The following PCGF2 variants were observed in gnomAD, a reference collection of about 807,000 sequenced individuals.
The protein encoded by PCGF2 is polycomb group ring finger 2, also known as polycomb group RING finger protein 2.
PCGF2 carries 8 observed loss-of-function variants against 36.1 expected under a neutral mutation model. That is an observed-to-expected ratio of 0.22 (90% CI 0.13 to 0.40). The LOEUF is 0.40. Among genes scored for constraint, PCGF2 ranks in the 10% least tolerant of loss-of-function variants. PCGF2 has a pLI of 1.00. For synonymous variants in PCGF2, 198 were observed against 191.2 expected (o/e 1.04, Z -0.29); for missense variants, 436 against 475.9 (o/e 0.92, Z 0.78).
Position 38,735,585 on chromosome 17 carries a change from G to C in PCGF2, c.673C>G (p.Leu225Val). 2 of 1,576,314 alleles carry C rather than the reference G, an allele frequency of 1.3e-6. No homozygotes were observed. Among genetic ancestry groups the C allele is most frequent in the Non-Finnish European group, 8.6e-7 (1 of 1,158,708 alleles). The change falls in exon 11 of 11, where the codon CTC becomes GTC. Residue 225 changes from leucine (L) to valine (V), a missense_variant. By Grantham distance (32) the Leu-to-Val change is conservative. Coordinates refer to ENST00000620225, the MANE Select transcript of PCGF2 (RefSeq NM_007144.3). The part of the protein sequence containing the change: ...YPWRRNGPLP[L>V]KYRVQPACKR... ...CAGGCTGGCTGGACACGGTACTTGA[G>C]GGGGAGAGGCCCGTTCTGCGGGGAG...
intron 2 of PCGF2, among the ~76,000 whole-genome samples, chr17:38,747,573 G>A (rs1179882930): frequency 6.6e-6 from 1 of 151,832 alleles, no homozygotes; most frequent in Non-Finnish European, 1.5e-5. Flanking sequence ...AGGGGGCGGG[G>A]CGCCGGCGCC....
intron 2 of PCGF2, among the ~76,000 whole-genome samples, chr17:38,742,280 C>T (rs564921121): frequency 3.5e-4 from 53 of 152,336 alleles, no homozygotes. Context: ...TTACAACATA[C>T]TCACACCCTT....
chr17:38,747,629 C>T (rs1001810963), intron 2 of PCGF2, among the ~76,000 whole-genome samples: 3 of 152,034 alleles, frequency 2.0e-5, no homozygotes, highest in African/African-American at 7.2e-5. Context: ...CGAGAGGACC[C>T]GGACCCCGGC....
Position 38,738,455 on chromosome 17 carries a change from G to A in PCGF2, c.481-7C>T. 1 of 1,614,094 alleles carries A rather than the reference G, an allele frequency of 6.2e-7. No individual in the cohort carries two copies. Among genetic ancestry groups the A allele is most frequent in the Non-Finnish European group, 8.5e-7 (1 of 1,179,954 alleles). On this transcript the variant is annotated splice_region_variant and splice_polypyrimidine_tract_variant and intron_variant, in intron 8 of 10. Transcript: ENST00000620225. ...GCAGGAAGCGCACCCCTGTCTGCTGGGGCACAGGCACCCATGGTAGGGGAT... is the reference window on the plus strand; with the variant it reads ...GCAGGAAGCGCACCCCTGTCTGCTGAGGCACAGGCACCCATGGTAGGGGAT...
intron 9 of PCGF2, 126 bp from the exon 10 acceptor site, chr17:38,736,296 G>A: frequency 1.5e-6 from 1 of 680,688 alleles, no homozygotes; most frequent in Non-Finnish European, 2.7e-6. Context: ...ATTTCTCTGG[G>A]ATTTCACTGT....
chr17:38,742,791 T>A lies in PCGF2; in HGVS notation c.-40-2349A>T, dbSNP rs545131943. 3.9e-4 allele frequency among the ~76,000 whole-genome samples: 60 copies of A among 152,290 alleles called. 1 individual carries two copies. The East Asian group carries it at 9.8e-3, about 25-fold the overall frequency. ...TCTCTCTGAGCGTGTGTAATATCCA[T>A]CCTGTGTACGTGCCATCTGGGCCTC... On this transcript the variant is annotated intron_variant, in intron 2 of 10. Transcript: ENST00000620225.
Position 38,737,641 on chromosome 17 carries a change from C to T in PCGF2, c.576+712G>A, listed in dbSNP as rs970270475. 4.6e-5 allele frequency among the ~76,000 whole-genome samples: 7 copies of T among 151,468 alleles called. No homozygotes were observed. In the East Asian group the frequency reaches 7.9e-4, roughly 17 times the overall value. On this transcript the variant is annotated intron_variant, in intron 9 of 10. Coordinates refer to ENST00000620225, the MANE Select transcript of PCGF2 (RefSeq NM_007144.3). ...AGAAATATGGAATCTGGCCGGGTGC[C>T]GTGGCTCATGCCTGTAATCCCAGCA...
Position 38,740,435 on chromosome 17 carries a change from G to A in PCGF2, c.-33C>T. 1.3e-6 allele frequency: 2 copies of A among 1,526,754 alleles called. No individual in the cohort carries two copies. Among genetic ancestry groups the A allele is most frequent in the Non-Finnish European group, 1.8e-6 (2 of 1,118,696 alleles). The allele number at this position is 1,526,754 out of a possible 1,614,324, so 94.6% of individuals were successfully genotyped here. A position where few individuals can be genotyped will look rare whatever the true frequency, so the allele number is the denominator to read the frequency against. ...GGGTCGGGGGTGGGGGGACTGGGGA[G>A]CGTTGCCCTGGGAAACGGAAGTGGA... On this transcript the variant is annotated 5_prime_UTR_variant, in exon 3 of 11. Transcript: ENST00000620225.
chr17:38,738,691 G>A, intron 7 of PCGF2, 62 bp downstream of exon 7: 1 of 1,568,410 alleles, frequency 6.4e-7, no homozygotes, highest in Non-Finnish European at 8.8e-7. Context: ...AGAGGGTCCT[G>A]GGTGGGAGAA....
intron 2 of PCGF2, among the ~76,000 whole-genome samples, chr17:38,741,422 T>C (rs1351880950): frequency 6.6e-6 from 1 of 152,130 alleles, no homozygotes; most frequent in Non-Finnish European, 1.5e-5. Flanking sequence ...AAATAAGTTA[T>C]CCTTACTCCC....
intron 2 of PCGF2, among the ~76,000 whole-genome samples, chr17:38,744,898 C>A (rs1404727590): frequency 6.6e-6 from 1 of 152,196 alleles, no homozygotes; most frequent in African/African-American, 2.4e-5. Context: ...TCTAGAACTG[C>A]AGAGGTGAAA....
At position 38,738,372 on chromosome 17, in the gene PCGF2, T is replaced by A; in HGVS notation, c.557A>T (p.Asp186Val). The A allele has an allele frequency of 6.2e-7, 1 of 1,614,098 alleles. No homozygotes were observed. Among genetic ancestry groups the A allele is most frequent in the South Asian group, 1.1e-5 (1 of 91,076 alleles). Residue 186 changes from aspartate to valine, a missense_variant, in exon 9 of 11, where the codon GAT becomes GTT. This residue lies in a region of PCGF2 where 20 missense variants were observed against 43.7 expected (regional missense o/e 0.46). Coordinates refer to ENST00000620225, the MANE Select transcript of PCGF2 (RefSeq NM_007144.3). ...ACCCACCTTGTACTTGCTGGGCACA[T>A]CCATCTTGTTGCGGAGAAACTTGGC... ...HLAKFLRNKM[D>V]VPSKYKVEVL...
At chr17:38,748,574 C>G (rs1054504425), upstream of PCGF2, among the ~76,000 whole-genome samples, 4 of 152,136 alleles carry the variant, frequency 2.6e-5, no homozygotes, top group Admixed American at 1.3e-4. Flanking sequence ...GAGACCCCTC[C>G]CTTCCCATGC....
rs1178790240 is a variant in PCGF2, at chr17:38,739,500, T to TAAGG, written c.209+85_209+86insCCTT. 1 of 1,137,246 alleles carries TAAGG rather than the reference T, an allele frequency of 8.8e-7. No homozygotes were observed. Among genetic ancestry groups the TAAGG allele is most frequent in the Non-Finnish European group, 1.3e-6 (1 of 746,908 alleles). 70.4% of individuals were successfully genotyped at this position (1,137,246 alleles called of 1,614,324 possible). A position where few individuals can be genotyped will look rare whatever the true frequency, so the allele number is the denominator to read the frequency against. ...CATGCTTCTCCTACACCTGCCGCCT[T>TAAGG]GGCTGAAGGAAGCACGGAGCGTGGG... On this transcript the variant is annotated intron_variant, in intron 4 of 10. Coordinates refer to ENST00000620225, the MANE Select transcript of PCGF2 (RefSeq NM_007144.3). This position sits in a 1 kb window ranked among gnomAD's most constrained non-coding sequence, Gnocchi z 4.0.
upstream of PCGF2, chr17:38,748,386 G>A (rs1330888222): frequency 7.8e-6 from 1 of 127,674 alleles, no homozygotes. Context: ...GGGGGGAGGG[G>A]AGGGACCGGA....
At chr17:38,743,514 T>C (rs1907340498) in intron 2 of PCGF2, among the ~76,000 whole-genome samples, 1 of 152,164 alleles carries the variant, frequency 6.6e-6, no homozygotes, top group South Asian at 2.1e-4. Context: ...CTCTGGACCC[T>C]TTCTAGACAC....
chr17:38,744,003 GA>G (rs2143138338), intron 2 of PCGF2, among the ~76,000 whole-genome samples: 1 of 152,302 alleles, frequency 6.6e-6, no homozygotes, highest in Non-Finnish European at 1.5e-5. Flanking sequence ...AGCACCATTG[GA>G]AGTGGCCTCT....
At chr17:38,744,941 G>T (rs184309005) in intron 2 of PCGF2, among the ~76,000 whole-genome samples, 1 of 152,306 alleles carries the variant, frequency 6.6e-6, no homozygotes, top group African/African-American at 2.4e-5. Context: ...TCAGCTGGGC[G>T]TGGTGGCTCA....
upstream of PCGF2, among the ~76,000 whole-genome samples, chr17:38,748,926 C>A (rs1233959845): frequency 1.3e-5 from 2 of 152,148 alleles, no homozygotes; most frequent in African/African-American, 4.8e-5. Flanking sequence ...GCGGCAGGGG[C>A]GCTGGCCCCG....
Sources: gnomAD v4.1 joint callset for allele counts (sites outside exome capture counted in the v4.1 genomes callset) on GRCh38, gnomAD v4.1.1 for gene constraint, gnomAD v4.1.1 regional missense constraint, Gnocchi (gnomAD v3.1) non-coding constraint, MANE v1.5 for transcripts, NCBI Gene and HGNC (gene_info 2026-07-23, HGNC 2026-07-21) for gene names.